The following PCDHA5 variants were observed in gnomAD, a reference collection of about 807,000 sequenced individuals.
PCDHA5 encodes protocadherin alpha 5, also known as protocadherin alpha-5.
A neutral mutation model predicts 61.6 loss-of-function variants in PCDHA5; 43 were observed. The observed-to-expected ratio is 0.70, with a 90% CI of 0.55 to 0.90. The LOEUF (loss-of-function observed/expected upper bound fraction) is 0.90. PCDHA5 is among the 40% of genes least tolerant of loss of function. The pLI, the probability that PCDHA5 is intolerant of heterozygous loss-of-function variation, is 0.00. For synonymous variants in PCDHA5, 627 were observed against 543.9 expected, an observed-to-expected ratio of 1.15 and a Z score of -2.13; for missense variants, 1,298 against 1,222.7, an observed-to-expected ratio of 1.06 and a Z score of -0.92.
intron 1 of PCDHA5, among the ~76,000 whole-genome samples, chr5:140,925,538 C>T (rs1387501905): frequency 6.6e-6 from 1 of 151,860 alleles, no homozygotes; most frequent in Non-Finnish European, 1.5e-5. Flanking sequence ...AGGAGAAATA[C>T]CTAATGTAAA....
At chr5:140,848,886 C>G in intron 1 of PCDHA5, 2 of 1,591,496 alleles carry the variant, frequency 1.3e-6, no homozygotes, top group Admixed American at 1.7e-5. Context: ...CGACAACCCT[C>G]CAGTGTTCCC....
chr5:140,948,345 A>G (rs1476053305), intron 1 of PCDHA5, among the ~76,000 whole-genome samples: 3 of 151,554 alleles, frequency 2.0e-5, no homozygotes, highest in African/African-American at 7.2e-5. Context: ...TAGTATTTCT[A>G]ACCTAATAAA....
Position 140,853,699 on chromosome 5 carries a change from C to T in PCDHA5, c.2352+29572C>T. 5.1e-6 allele frequency: 5 copies of T among 984,902 alleles called. 1 individual carries two copies. Among genetic ancestry groups the T allele is most frequent in the Non-Finnish European group, 6.1e-6 (5 of 817,068 alleles). The allele number at this position is 984,902 out of a possible 1,614,324, so 61.0% of individuals were successfully genotyped here. On this transcript the variant is annotated intron_variant, in intron 1 of 3. Transcript: ENST00000529859. Reference sequence around the variant, plus strand: ...GTCAACCTATCCTTAGACCTGCTAACGCATTAGCATTAGCAGCACCTAAGT... The same window carrying T: ...GTCAACCTATCCTTAGACCTGCTAATGCATTAGCATTAGCAGCACCTAAGT...
intron 1 of PCDHA5, chr5:140,926,696 C>A: frequency 1.3e-6 from 1 of 771,792 alleles, no homozygotes; most frequent in Non-Finnish European, 1.9e-6. Context: ...GCAAGCCCGG[C>A]TCCCAGCTGG....
rs1351145867 is a variant in PCDHA5, at chr5:141,012,314, G to T, written c.*2377G>T. On this transcript the variant is annotated 3_prime_UTR_variant, in exon 4 of 4. Coordinates refer to ENST00000529859, the MANE Select transcript of PCDHA5 (RefSeq NM_018908.3). ...AATTGGTGCTATTGGTATTTCCTCTGTTATTGCTAATAAATGAAAATGGTG... is the reference window on the plus strand; with the variant it reads ...AATTGGTGCTATTGGTATTTCCTCTTTTATTGCTAATAAATGAAAATGGTG... The T allele has an allele frequency of 6.5e-6, 1 of 153,728 alleles. No individual in the cohort carries two copies. The highest frequency in any genetic ancestry group is 2.4e-5 in the African/African-American group (1 of 41,440). 9.5% of individuals were successfully genotyped at this position (153,728 alleles called of 1,614,324 possible). A position where few individuals can be genotyped will look rare whatever the true frequency, so the allele number is the denominator to read the frequency against.
At chr5:140,870,870 G>T in intron 1 of PCDHA5, 1 of 1,613,948 alleles carries the variant, frequency 6.2e-7, no homozygotes, top group African/African-American at 1.3e-5. Flanking sequence ...CGGGCCACGT[G>T]GTGGCGAAGG....
chr5:140,826,537 T>C (rs1413991226), intron 1 of PCDHA5, among the ~76,000 whole-genome samples: 1 of 152,182 alleles, frequency 6.6e-6, no homozygotes, highest in Non-Finnish European at 1.5e-5. Context: ...GTCTTATTGG[T>C]GACTCTATTT....
Position 140,980,554 on chromosome 5 carries a change from C to T in PCDHA5, c.2411+1547C>T, listed in dbSNP as rs1283128844. Among the ~76,000 whole-genome samples, 9 of 152,008 alleles carry T rather than the reference C, an allele frequency of 5.9e-5. No individual in the cohort carries two copies. The South Asian group carries it at 1.5e-3, about 25-fold the overall frequency. On this transcript the variant is annotated intron_variant, in intron 2 of 3. Transcript: ENST00000529859. ...CTGAGGCAGGAGAATCGCTTGAACC[C>T]GGGAGGCGGAAGTTGCAGTGAGCCA...
intron 1 of PCDHA5, among the ~76,000 whole-genome samples, chr5:140,941,270 T>TTTCC (rs1378866749): frequency 2.2e-5 from 3 of 136,668 alleles, no homozygotes; most frequent in Admixed American, 7.6e-5. Context: ...TCTTTCTTTC[T>TTTCC]TTCCTTCCTT....
rs782134920 is a variant in PCDHA5, at chr5:140,869,400, C to A, written c.2352+45273C>A. ...ACCGCGAGGAGCTGTGCGGGCAGAG[C>A]GCGGAGTGCAGCATCCACCTGGAGG... On this transcript the variant is annotated intron_variant, in intron 1 of 3. Coordinates refer to ENST00000529859, the MANE Select transcript of PCDHA5 (RefSeq NM_018908.3). The A allele has an allele frequency of 5.2e-5, 84 of 1,614,026 alleles. 2 individuals carry two copies. The Admixed American group carries it at 7.2e-4, about 14-fold the overall frequency.
Position 140,851,965 on chromosome 5 carries a change from A to G in PCDHA5, c.2352+27838A>G, listed in dbSNP as rs564952826. On this transcript the variant is annotated intron_variant, in intron 1 of 3. Transcript: ENST00000529859. Reference sequence around the variant, plus strand: ...GTGACTTTCAAAATGGTGGTTTTCCACACTCTACCTTTAGTGCAAGCTATT... The same window carrying G: ...GTGACTTTCAAAATGGTGGTTTTCCGCACTCTACCTTTAGTGCAAGCTATT... 95 of 976,702 alleles carry G rather than the reference A, an allele frequency of 9.7e-5. 6 individuals are homozygous for G. The highest frequency in any genetic ancestry group is 1.2e-4 in the Non-Finnish European group (95 of 809,234). 60.5% of individuals were successfully genotyped at this position (976,702 alleles called of 1,614,324 possible).
rs2150110384 is a variant in PCDHA5, at chr5:140,821,746, T to C, written c.-30T>C. ...CAAAATACATTGTGTGGTGATGCAATAGAAAGCTCATAATTGGAACGAGAT... is the reference window on the plus strand; with the variant it reads ...CAAAATACATTGTGTGGTGATGCAACAGAAAGCTCATAATTGGAACGAGAT... On this transcript the variant is annotated 5_prime_UTR_variant, in exon 1 of 4. The change abolishes the stop of an existing upstream ORF in the 5' untranslated region. Transcript: ENST00000529859. 12 of 1,569,278 alleles carry C rather than the reference T, an allele frequency of 7.6e-6. No individual in the cohort carries two copies. The South Asian group carries it at 1.3e-4, about 17-fold the overall frequency.
chr5:141,006,618 A>G (rs74748321), intron 3 of PCDHA5, among the ~76,000 whole-genome samples: 53 of 152,290 alleles, frequency 3.5e-4, no homozygotes, highest in African/African-American at 1.3e-3. Flanking sequence ...GAATAAGGAG[A>G]CTATTGCTGC....
intron 1 of PCDHA5, among the ~76,000 whole-genome samples, chr5:140,827,222 G>A (rs1269861072): frequency 2.0e-5 from 3 of 152,150 alleles, no homozygotes; most frequent in Non-Finnish European, 4.4e-5. Context: ...TAAAGGAAAG[G>A]ATATGGGACA....
intron 1 of PCDHA5, chr5:140,868,902 T>G (rs2050730920): frequency 1.2e-6 from 1 of 837,896 alleles, no homozygotes; most frequent in African/African-American, 1.7e-5. Context: ...AAGGTGTCGC[T>G]CTTTACTTGG....
Position 140,850,277 on chromosome 5 carries a change from G to T in PCDHA5, c.2352+26150G>T, listed in dbSNP as rs1554144125. On this transcript the variant is annotated intron_variant, in intron 1 of 3. Coordinates refer to ENST00000529859, the MANE Select transcript of PCDHA5 (RefSeq NM_018908.3). ...GCGCCGGCGTAGTGGTGGGGAAGGT[G>T]CGCGCAGTGGACGCCGACTCGGGCT... is the stretch of plus-strand genomic sequence containing the variant. 2.5e-6 allele frequency: 4 copies of T among 1,595,522 alleles called. No homozygotes were observed. In the East Asian group the frequency reaches 8.9e-5, roughly 36 times the overall value.
chr5:140,884,721 T>C, intron 1 of PCDHA5: 1 of 1,464,684 alleles, frequency 6.8e-7, no homozygotes, highest in South Asian at 1.5e-5. Flanking sequence ...TTGCAGTTGT[T>C]TGTTTAAGAC....
At chr5:140,983,299 A>T (rs1554245269) in intron 3 of PCDHA5, among the ~76,000 whole-genome samples, 1 of 152,186 alleles carries the variant, frequency 6.6e-6, no homozygotes. Flanking sequence ...GCTTAAACTC[A>T]CATTTGCTTG....
At chr5:140,943,729 A>C (rs1215938127) in intron 1 of PCDHA5, among the ~76,000 whole-genome samples, 2 of 152,256 alleles carry the variant, frequency 1.3e-5, no homozygotes, top group Non-Finnish European at 2.9e-5. Context: ...TGAGAGAATG[A>C]AAGTCCACAG....
Sources: allele counts gnomAD v4.1 joint callset (sites outside exome capture counted in the v4.1 genomes callset), GRCh38; gene constraint gnomAD v4.1.1; transcripts MANE v1.5; gene names NCBI Gene and HGNC (gene_info 2026-07-23, HGNC 2026-07-21).